The following NEK1 variants were observed in gnomAD, a reference collection of about 807,000 sequenced individuals.
The protein encoded by NEK1 is NIMA related kinase 1, also known as serine/threonine-protein kinase Nek1.
NEK1 carries 137 observed loss-of-function variants against 182.1 expected under a neutral mutation model. That is an observed-to-expected ratio of 0.75 (90% CI 0.65 to 0.87). The LOEUF is 0.87. NEK1 is among the 40% of genes least tolerant of loss of function. The probability of loss-of-function intolerance (pLI) is 0.00; values close to 1 mark genes in which losing one functional copy is unlikely to be tolerated. For synonymous variants in NEK1, 513 were observed against 492.2 expected (o/e 1.04, Z -0.56); for missense variants, 1,391 against 1,494.4 (o/e 0.93, Z 1.14).
chr4:169,415,538 T>A (rs913104817), intron 31 of NEK1, among the ~76,000 whole-genome samples: 12 of 152,216 alleles, frequency 7.9e-5, no homozygotes, highest in Admixed American at 2.6e-4. Context: ...CTATGTAAAA[T>A]AGTTGCTAAT....
chr4:169,438,323 C>T, intron 27 of NEK1, 64 bp from the exon 28 acceptor site: 1 of 1,284,250 alleles, frequency 7.8e-7, no homozygotes, highest in Non-Finnish European at 1.1e-6. Flanking sequence ...TCTGTAATGG[C>T]ATTGGGGGCA....
chr4:169,467,840 T>C (rs2149516340), intron 26 of NEK1, among the ~76,000 whole-genome samples: 1 of 152,298 alleles, frequency 6.6e-6, no homozygotes, highest in Non-Finnish European at 1.5e-5. Context: ...TGAGGAGCTC[T>C]GGATTTAAAT....
In NEK1 at chr4:169,561,691, T is replaced by C; in HGVS notation, c.1187A>G (p.Glu396Gly). 6.4e-7 allele frequency: 1 copy of C among 1,567,032 alleles called. No individual in the cohort carries two copies. The highest frequency in any genetic ancestry group is 1.9e-5 in the Admixed American group (1 of 52,976). ...KAEQMKRQEK[E>G]RLERINRARE... ...TTTAATAGATTATCCTCTTACCCTT[T>C]CCTTTTCTTGCCTTTTCATTTGTTC... Residue 396 changes from glutamate (E) to glycine (G), a missense_variant, in exon 15 of 36, where the codon GAA (glutamate) becomes GGA (glycine). By Grantham distance (98) the Glu-to-Gly change is moderately conservative. This residue lies in a region of NEK1 where 1,216 missense variants were observed against 1,277.6 expected (regional missense o/e 0.95). Transcript: ENST00000507142.
At chr4:169,430,806 T>C (rs911410104) in intron 29 of NEK1, among the ~76,000 whole-genome samples, 1 of 151,812 alleles carries the variant, frequency 6.6e-6, no homozygotes, top group African/African-American at 2.4e-5. Flanking sequence ...AATACATTAA[T>C]GCAAGATGTT....
chr4:169,600,816 G>A (rs1455645826), intron 4 of NEK1, among the ~76,000 whole-genome samples: 4 of 152,254 alleles, frequency 2.6e-5, no homozygotes, highest in African/African-American at 9.6e-5. Context: ...ATGCTAGCAT[G>A]TATTCTTCTA....
At position 169,479,480 on chromosome 4, in the gene NEK1, C is replaced by G; in HGVS notation, c.2062G>C (p.Glu688Gln). Residue 688 changes from glutamate to glutamine, a missense_variant, in exon 24 of 36, where the codon GAA (glutamate) becomes CAA (glutamine). Physicochemically the swap from Glu to Gln is conservative, Grantham distance 29. Coordinates refer to ENST00000507142, the MANE Select transcript of NEK1 (RefSeq NM_001199397.3). ...TGCTTTGATGGAGAGCCACCTGTTT[C>G]ATGCTGTCCCAAAGGTGGAGAAACA... is the stretch of plus-strand genomic sequence containing the variant. ...SDVSPPLGQH[E>Q]TGGSPSKQQM... 1 of 1,611,956 alleles carries G rather than the reference C, an allele frequency of 6.2e-7. No individual in the cohort carries two copies. Among genetic ancestry groups the G allele is most frequent in the Non-Finnish European group, 8.5e-7 (1 of 1,178,932 alleles).
chr4:169,513,921 G>C (rs1255646050), intron 19 of NEK1, among the ~76,000 whole-genome samples: 1 of 151,588 alleles, frequency 6.6e-6, no homozygotes, highest in Non-Finnish European at 1.5e-5. Flanking sequence ...AATTCCACTT[G>C]GTTGGGGCTG....
chr4:169,562,097 T>C, intron 13 of NEK1, 40 bp downstream of exon 13: 12 of 1,410,106 alleles, frequency 8.5e-6, no homozygotes, highest in South Asian at 1.3e-5. Flanking sequence ...TAAAATTATG[T>C]TTGCAAAGCT....
intron 12 of NEK1, among the ~76,000 whole-genome samples, chr4:169,563,038 T>C (rs1004233897): frequency 1.3e-5 from 2 of 152,184 alleles, no homozygotes; most frequent in African/African-American, 2.4e-5. Flanking sequence ...AATTATCTTA[T>C]ACTTTACTCA....
At chr4:169,602,230 A>C in intron 3 of NEK1, 126 bp from the exon 4 acceptor site, 1 of 696,094 alleles carries the variant, frequency 1.4e-6, no homozygotes, top group Non-Finnish European at 2.5e-6. Flanking sequence ...TATAGCAAGA[A>C]GTTAAAAAGA....
intron 27 of NEK1, among the ~76,000 whole-genome samples, chr4:169,452,781 C>A (rs1198351446): frequency 3.9e-5 from 6 of 152,162 alleles, no homozygotes; most frequent in Admixed American, 1.3e-4. Context: ...TCTCACCACT[C>A]CTATTCAACA....
intron 3 of NEK1, 83 bp from the exon 4 acceptor site, chr4:169,602,187 C>T: frequency 1.1e-6 from 1 of 928,562 alleles, no homozygotes; most frequent in Non-Finnish European, 1.8e-6. Flanking sequence ...GTGGTTAAAA[C>T]ATAATAGTAT....
At chr4:169,487,437 G>T (rs917244635) in intron 23 of NEK1, among the ~76,000 whole-genome samples, 1 of 152,156 alleles carries the variant, frequency 6.6e-6, no homozygotes, top group African/African-American at 2.4e-5. Flanking sequence ...TCCTGTGTTA[G>T]TCTGTTGAGA....
intron 5 of NEK1, among the ~76,000 whole-genome samples, chr4:169,592,853 C>G (rs188318603): frequency 6.6e-6 from 1 of 152,036 alleles, no homozygotes; most frequent in African/African-American, 2.4e-5. Context: ...AAGGAATATA[C>G]TCACAAATAC....
intron 23 of NEK1, among the ~76,000 whole-genome samples, chr4:169,494,329 A>C (rs1319178124): frequency 6.6e-6 from 1 of 151,878 alleles, no homozygotes; most frequent in Non-Finnish European, 1.5e-5. Context: ...ATTCCCACCT[A>C]TGAGTGAGAA....
chr4:169,475,556 G>A (rs919506454), intron 26 of NEK1, among the ~76,000 whole-genome samples: 1 of 152,176 alleles, frequency 6.6e-6, no homozygotes, highest in Admixed American at 6.5e-5. Flanking sequence ...AATGCAAAAT[G>A]TCTGACATCC....
intron 27 of NEK1, among the ~76,000 whole-genome samples, chr4:169,462,583 A>G (rs1004068080): frequency 1.3e-5 from 2 of 152,070 alleles, no homozygotes; most frequent in East Asian, 3.8e-4. Flanking sequence ...GAGTGTCACT[A>G]GAAGCTTTTT....
rs1772486402 is a variant in NEK1 at position 169,612,523 on chromosome 4, G to A, written c.-474C>T. On this transcript the variant is annotated 5_prime_UTR_variant, in exon 1 of 36. Coordinates refer to ENST00000507142, the MANE Select transcript of NEK1 (RefSeq NM_001199397.3). ...TTCCGAGTTATGGGGACAACTGCTC[G>A]AGAGGCCAGGGTAGGGTAAGGACTC... 1 of 152,270 alleles carries A rather than the reference G, an allele frequency of 6.6e-6. No homozygotes were observed. The highest frequency in any genetic ancestry group is 2.1e-4 in the South Asian group (1 of 4,816). 9.4% of individuals were successfully genotyped at this position (152,270 alleles called of 1,614,324 possible).
intron 18 of NEK1, among the ~76,000 whole-genome samples, chr4:169,544,237 G>A (rs1346499852): frequency 6.6e-6 from 1 of 152,162 alleles, no homozygotes; most frequent in Non-Finnish European, 1.5e-5. Context: ...TGGGGTTTTT[G>A]TCATTAGTTC....
Sources: gnomAD v4.1 joint callset for allele counts (sites outside exome capture counted in the v4.1 genomes callset) on GRCh38, gnomAD v4.1.1 for gene constraint, gnomAD v4.1.1 regional missense constraint, MANE v1.5 for transcripts, NCBI Gene and HGNC (gene_info 2026-07-23, HGNC 2026-07-21) for gene names.